TENM2: variants seen among roughly 807,000 people sequenced by gnomAD.
TENM2 encodes the protein teneurin-2.
TENM2 carries 52 observed loss-of-function variants against 245.2 expected under a neutral mutation model. The observed-to-expected ratio is 0.21, with a 90% CI of 0.17 to 0.27. The LOEUF (loss-of-function observed/expected upper bound fraction) is 0.27, where lower values mean the gene tolerates loss of function less well. Among genes scored for constraint, TENM2 ranks in the 10% least tolerant of loss-of-function variants. The pLI, the probability that TENM2 is intolerant of heterozygous loss-of-function variation, is 1.00. For missense variants in TENM2, 3,046 were observed against 3,666.8 expected, an observed-to-expected ratio of 0.83 and a Z score of 4.37; for synonymous variants, 1,363 against 1,438.9, an observed-to-expected ratio of 0.95 and a Z score of 1.19.
chr5:167,375,358 C>T, exon 2 of TENM2: 1 of 1,551,696 alleles, frequency 6.4e-7, no homozygotes, highest in Non-Finnish European at 8.7e-7. Flanking sequence ...AACACGCCAT[C>T]AGACTGTGGG....
chr5:168,080,022 T>C (rs1226945785), intron 7 of TENM2, among the ~76,000 whole-genome samples: 1 of 152,252 alleles, frequency 6.6e-6, no homozygotes, highest in Non-Finnish European at 1.5e-5. Flanking sequence ...CTCCTCTTTG[T>C]ACCTCTGTTA....
At chr5:167,494,926 A>C (rs572121131) in intron 2 of TENM2, among the ~76,000 whole-genome samples, 1 of 152,252 alleles carries the variant, frequency 6.6e-6, no homozygotes, top group South Asian at 2.1e-4. Context: ...GAATAATTTT[A>C]ATATACGGCC....
intron 2 of TENM2, among the ~76,000 whole-genome samples, chr5:167,519,155 A>G (rs1770593830): frequency 6.6e-6 from 1 of 152,078 alleles, no homozygotes; most frequent in African/African-American, 2.4e-5. Flanking sequence ...AAACAAACAA[A>G]TTTTCATTAC....
chr5:167,075,913 G>C, the TENM2 span, among the ~76,000 whole-genome samples: 2 of 152,156 alleles, frequency 1.3e-5, no homozygotes, highest in Non-Finnish European at 2.9e-5. Context: ...AGCTCTAGTA[G>C]AATAAATGAG....
At chr5:167,019,578 C>G in the TENM2 span, among the ~76,000 whole-genome samples, 1 of 152,038 alleles carries the variant, frequency 6.6e-6, no homozygotes, top group African/African-American at 2.4e-5. Context: ...TCAAGCAATT[C>G]TCCTGCCTCA....
chr5:167,059,867 C>T, the TENM2 span, among the ~76,000 whole-genome samples: 1 of 151,972 alleles, frequency 6.6e-6, no homozygotes, highest in Non-Finnish European at 1.5e-5. Context: ...CCACACCTGG[C>T]TAATTTTTGT....
chr5:167,267,640 G>A, the TENM2 span, among the ~76,000 whole-genome samples: 1 of 152,138 alleles, frequency 6.6e-6, no homozygotes, highest in African/African-American at 2.4e-5. Flanking sequence ...GCAACAGAGG[G>A]TAGTAGGCAA....
chr5:167,249,606 CTT>C, the TENM2 span, among the ~76,000 whole-genome samples: 2 of 152,114 alleles, frequency 1.3e-5, no homozygotes, highest in African/African-American at 4.8e-5. Flanking sequence ...TATATTGTCT[CTT>C]TACCTACATC....
At chr5:167,655,409 T>C (rs1297568503) in intron 2 of TENM2, among the ~76,000 whole-genome samples, 1 of 152,170 alleles carries the variant, frequency 6.6e-6, no homozygotes, top group Non-Finnish European at 1.5e-5. Context: ...TATGGCCACC[T>C]CTTGACCAAG....
intron 5 of TENM2, among the ~76,000 whole-genome samples, chr5:168,007,106 T>C (rs1415045231): frequency 6.6e-6 from 1 of 152,024 alleles, no homozygotes; most frequent in African/African-American, 2.4e-5. Context: ...AATCAGCACA[T>C]GTACTCCAGG....
At chr5:167,401,839 G>A (rs1318853953) in intron 2 of TENM2, among the ~76,000 whole-genome samples, 2 of 152,092 alleles carry the variant, frequency 1.3e-5, no homozygotes, top group Non-Finnish European at 2.9e-5. Flanking sequence ...GTTTTCAGTT[G>A]TAACTTTCTC....
intron 2 of TENM2, among the ~76,000 whole-genome samples, chr5:167,732,225 C>A (rs1310141929): frequency 6.6e-6 from 1 of 152,128 alleles, no homozygotes; most frequent in African/African-American, 2.4e-5. Flanking sequence ...TAAGAGTACT[C>A]CCAGAAGCAG....
At chr5:167,148,070 G>A in the TENM2 span, among the ~76,000 whole-genome samples, 1 of 152,176 alleles carries the variant, frequency 6.6e-6, no homozygotes, top group Non-Finnish European at 1.5e-5. Flanking sequence ...TTAAAATGAT[G>A]CATAACCCAA....
intron 13 of TENM2, among the ~76,000 whole-genome samples, chr5:168,173,630 A>G (rs1341565118): frequency 1.3e-5 from 2 of 152,150 alleles, no homozygotes; most frequent in Admixed American, 1.3e-4. Flanking sequence ...AAAATCATTT[A>G]TTCATCCAAC....
intron 5 of TENM2, among the ~76,000 whole-genome samples, chr5:168,020,233 G>A (rs1786022179): frequency 6.6e-6 from 1 of 152,106 alleles, no homozygotes; most frequent in African/African-American, 2.4e-5. Flanking sequence ...GGGGCTACAA[G>A]GTGACACCCG....
intron 13 of TENM2, among the ~76,000 whole-genome samples, chr5:168,167,347 G>A (rs1337344690): frequency 2.7e-4 from 41 of 152,020 alleles, no homozygotes; most frequent in Non-Finnish European, 6.0e-4. Context: ...GTCTGGCCTG[G>A]TGAGACAGTC....
the TENM2 span, among the ~76,000 whole-genome samples, chr5:167,100,082 A>G: frequency 6.6e-6 from 1 of 152,214 alleles, no homozygotes; most frequent in African/African-American, 2.4e-5. Flanking sequence ...CAGTTCTGAC[A>G]ATTTAAAACA....
At chr5:167,687,491 G>A (rs1757152026) in intron 2 of TENM2, among the ~76,000 whole-genome samples, 1 of 152,118 alleles carries the variant, frequency 6.6e-6, no homozygotes, top group Non-Finnish European at 1.5e-5. Flanking sequence ...ATTTATGTGG[G>A]AAAAACTATT....
chr5:167,826,597 C>T (rs1471685381), intron 2 of TENM2, among the ~76,000 whole-genome samples: 1 of 152,190 alleles, frequency 6.6e-6, no homozygotes, highest in Non-Finnish European at 1.5e-5. Context: ...TAATACTTTA[C>T]TATGTATTTC....
Sources: gnomAD v4.1 joint callset for allele counts (sites outside exome capture counted in the v4.1 genomes callset) on GRCh38, gnomAD v4.1.1 for gene constraint, MANE v1.5 for transcripts, NCBI Gene and HGNC (gene_info 2026-07-23, HGNC 2026-07-21) for gene names.